LRRC49: variants seen among roughly 807,000 people sequenced by gnomAD.
LRRC49 encodes leucine-rich repeat-containing protein 49.
In LRRC49, 50 loss-of-function variants were observed where a neutral mutation model predicts 83.3. That is an observed-to-expected ratio of 0.60 (90% confidence interval 0.48 to 0.76). The LOEUF is 0.76. LRRC49 is among the 30% of genes least tolerant of loss of function. The pLI is 0.00. For missense variants in LRRC49, 704 were observed against 809.1 expected, an observed-to-expected ratio of 0.87 and a Z score of 1.58; for synonymous variants, 286 against 283.3, an observed-to-expected ratio of 1.01 and a Z score of -0.10.
chr15:70,891,884 C>G, upstream of LRRC49: 1 of 1,611,848 alleles, frequency 6.2e-7, no homozygotes, highest in East Asian at 2.2e-5. Flanking sequence ...GGGGCGTGTA[C>G]AGGAGACTGG....
intron 1 of LRRC49, chr15:70,858,790 A>C (rs1399645788): frequency 4.4e-6 from 4 of 912,220 alleles, no homozygotes; most frequent in African/African-American, 1.6e-5. Context: ...GCTCCTACAC[A>C]AGTGGGCCCA....
At chr15:70,957,292 A>G (rs1233331301) in intron 8 of LRRC49, among the ~76,000 whole-genome samples, 1 of 152,220 alleles carries the variant, frequency 6.6e-6, no homozygotes, top group Admixed American at 6.5e-5. Flanking sequence ...TAAATAGTAA[A>G]TAGCAATAAA....
chr15:71,005,594 T>G (rs952290140), intron 11 of LRRC49, among the ~76,000 whole-genome samples: 8 of 152,164 alleles, frequency 5.3e-5, no homozygotes, highest in Non-Finnish European at 1.2e-4. Flanking sequence ...AGCAGTTATA[T>G]TTCTGAAACT....
At chr15:70,971,426 G>A (rs183716011) in intron 9 of LRRC49, among the ~76,000 whole-genome samples, 88 of 152,314 alleles carry the variant, frequency 5.8e-4, no homozygotes, top group African/African-American at 2.0e-3. Flanking sequence ...ATGTGGTGCT[G>A]AGAAGACTGT....
chr15:70,900,944 C>T lies in LRRC49; in HGVS notation c.216C>T (p.Ser72=), dbSNP rs776937963. ...SRQGDHINLV[S]SSLSSFPILQ... is the part of the protein sequence containing the mutation. ...TAGGTGATCATATTAATTTGGTGAG[C>T]TCATCATTGTCATCATTTCCTATTC... is the stretch of plus-strand genomic sequence containing the variant. The change falls in exon 4 of 16, where the codon AGC becomes AGT. Residue 72 remains serine, a synonymous_variant. Coordinates refer to ENST00000260382, the MANE Select transcript of LRRC49 (RefSeq NM_017691.5). The T allele has an allele frequency of 6.2e-7, 1 of 1,605,184 alleles. No individual in the cohort carries two copies.
chr15:70,930,267 C>T (rs1258746243), intron 7 of LRRC49, among the ~76,000 whole-genome samples: 1 of 152,190 alleles, frequency 6.6e-6, no homozygotes, highest in Non-Finnish European at 1.5e-5. Flanking sequence ...TCTCCTTCTA[C>T]ATCTCCATCT....
At chr15:71,034,238 C>A (rs1177583176) in intron 14 of LRRC49, among the ~76,000 whole-genome samples, 7 of 152,138 alleles carry the variant, frequency 4.6e-5, no homozygotes, top group African/African-American at 1.7e-4. Flanking sequence ...TGAGCAGACA[C>A]TTCTCAAAAG....
At chr15:70,867,339 G>GC (rs1189987210) in intron 1 of LRRC49, among the ~76,000 whole-genome samples, 8 of 152,098 alleles carry the variant, frequency 5.3e-5, no homozygotes, top group African/African-American at 1.9e-4. Context: ...GATGAGATTT[G>GC]TTTTTTTCTT....
chr15:70,904,162 G>A lies in LRRC49; in HGVS notation c.297-390G>A, dbSNP rs561307994. ...TGATGACTTAGTTGCCTGGGTAATC[G>A]TTACATCGGTGGATTGATGCCAAGG... On this transcript the variant is annotated intron_variant, in intron 4 of 15. Coordinates refer to ENST00000260382, the MANE Select transcript of LRRC49 (RefSeq NM_017691.5). Among the ~76,000 whole-genome samples, 20 of 152,134 alleles carry A rather than the reference G, an allele frequency of 1.3e-4. No homozygotes were observed. In the South Asian group the frequency reaches 3.7e-3, roughly 28 times the overall value.
chr15:70,920,613 G>A (rs927577797), intron 7 of LRRC49, among the ~76,000 whole-genome samples: 3 of 152,128 alleles, frequency 2.0e-5, no homozygotes, highest in African/African-American at 4.8e-5. Flanking sequence ...CTATATTTTG[G>A]CTTTCATTTG....
chr15:70,859,884 A>G (rs1268729898), intron 1 of LRRC49: 1 of 768,952 alleles, frequency 1.3e-6, no homozygotes, highest in African/African-American at 1.7e-5. Flanking sequence ...ACTGCCACCT[A>G]CAGGAAGCTG....
At chr15:71,040,108 T>A (rs888616759) in intron 15 of LRRC49, among the ~76,000 whole-genome samples, 1 of 152,330 alleles carries the variant, frequency 6.6e-6, no homozygotes, top group African/African-American at 2.4e-5. Context: ...GCAGGGAAGA[T>A]TCAATATTAG....
intron 6 of LRRC49, among the ~76,000 whole-genome samples, chr15:70,913,890 ACCT>A (rs1281236032): frequency 6.6e-6 from 1 of 152,080 alleles, no homozygotes; most frequent in African/African-American, 2.4e-5. Flanking sequence ...TTTGATCTGT[ACCT>A]TATGTATAGG....
At chr15:70,993,028 C>T (rs949678819) in intron 11 of LRRC49, among the ~76,000 whole-genome samples, 12 of 152,194 alleles carry the variant, frequency 7.9e-5, no homozygotes, top group Admixed American at 2.0e-4. Flanking sequence ...GTGGGTTCCA[C>T]CCAGCTCGAG....
At chr15:70,858,573 C>A (rs561955996) in intron 1 of LRRC49, 3 of 457,644 alleles carry the variant, frequency 6.6e-6, no homozygotes, top group South Asian at 1.1e-4. Flanking sequence ...CATTGCACTC[C>A]TGCCTGGGCG....
chr15:70,974,578 T>C (rs958855330), intron 9 of LRRC49, among the ~76,000 whole-genome samples: 1 of 152,114 alleles, frequency 6.6e-6, no homozygotes, highest in African/African-American at 2.4e-5. Flanking sequence ...GGTATATTGG[T>C]TGATCAAATG....
intron 1 of LRRC49, among the ~76,000 whole-genome samples, chr15:70,864,125 CAT>C (rs1364973802): frequency 1.3e-5 from 2 of 152,248 alleles, no homozygotes; most frequent in Middle Eastern, 3.4e-3. Flanking sequence ...TATGAACACA[CAT>C]GAGACACCCC....
chr15:70,888,480 CTT>C (rs1408240811), upstream of LRRC49, among the ~76,000 whole-genome samples: 4 of 152,084 alleles, frequency 2.6e-5, no homozygotes, highest in African/African-American at 9.7e-5. Flanking sequence ...GAAAATGAAA[CTT>C]AAATCCTACC....
chr15:70,955,873 T>A (rs888580084), intron 8 of LRRC49, among the ~76,000 whole-genome samples: 2 of 152,216 alleles, frequency 1.3e-5, no homozygotes, highest in South Asian at 2.1e-4. Flanking sequence ...ATATTATACA[T>A]CTTTCTAGTT....
Sources: gnomAD v4.1 joint callset for allele counts (sites outside exome capture counted in the v4.1 genomes callset) on GRCh38, gnomAD v4.1.1 for gene constraint, MANE v1.5 for transcripts, NCBI Gene and HGNC (gene_info 2026-07-23, HGNC 2026-07-21) for gene names.